The following RBKS variants were observed in gnomAD, a reference collection of about 807,000 sequenced individuals.
RBKS encodes ribokinase.
In RBKS, 33 loss-of-function variants were observed where a neutral mutation model predicts 33.9. The observed-to-expected ratio is 0.97, with a 90% CI of 0.74 to 1.30. RBKS has a LOEUF of 1.30. Ranked by LOEUF, RBKS falls within the 50% of genes most tolerant of loss-of-function variation. RBKS has a pLI of 0.00. For missense variants in RBKS, 361 were observed against 392.6 expected, an observed-to-expected ratio of 0.92 and a Z score of 0.68; for synonymous variants, 125 against 143.0, an observed-to-expected ratio of 0.87 and a Z score of 0.90.
intron 7 of RBKS, among the ~76,000 whole-genome samples, chr2:27,783,280 AAAAAC>A (rs1256003501): frequency 8.5e-5 from 13 of 152,128 alleles, no homozygotes; most frequent in African/African-American, 3.1e-4. Flanking sequence ...TCGCCTCTAC[AAAAAC>A]AAAACAAACA....
At chr2:27,865,233 T>C (rs965343601) in intron 1 of RBKS, among the ~76,000 whole-genome samples, 1 of 152,154 alleles carries the variant, frequency 6.6e-6, no homozygotes, top group African/African-American at 2.4e-5. Flanking sequence ...GGCAGGAGAA[T>C]GGCGTGAACC....
intron 7 of RBKS, among the ~76,000 whole-genome samples, chr2:27,806,039 G>A (rs1677890483): frequency 6.6e-6 from 1 of 151,916 alleles, no homozygotes; most frequent in Non-Finnish European, 1.5e-5. Context: ...CTACAGGTGG[G>A]TGGTTAATTT....
Position 27,890,051 on chromosome 2 carries a change from G to A in RBKS, c.89+206C>T, listed in dbSNP as rs1370570735. ...CTTTCACTAAACCCTGGCCTATTAC[G>A]TCCCCTCCCCTGAGATTTACCTTTA... On this transcript the variant is annotated intron_variant, in intron 1 of 7. Coordinates refer to ENST00000302188, the MANE Select transcript of RBKS (RefSeq NM_022128.3). This position sits in a 1 kb window ranked among gnomAD's most constrained non-coding sequence, Gnocchi z 4.8. The A allele has an allele frequency of 1.1e-5, 6 of 534,968 alleles. No homozygotes were observed. The highest frequency in any genetic ancestry group is 3.9e-5 in the African/African-American group (2 of 51,930). The allele number at this position is 534,968 out of a possible 1,614,324, so 33.1% of individuals were successfully genotyped here.
chr2:27,881,557 T>A (rs911088212), intron 1 of RBKS, among the ~76,000 whole-genome samples: 2 of 150,252 alleles, frequency 1.3e-5, no homozygotes, highest in Non-Finnish European at 3.0e-5. Flanking sequence ...AATAAATAAA[T>A]AAAATAAAAT....
At chr2:27,839,749 G>C (rs1438541489) in intron 5 of RBKS, among the ~76,000 whole-genome samples, 13 of 152,144 alleles carry the variant, frequency 8.5e-5, no homozygotes, top group Non-Finnish European at 1.5e-5. Context: ...ATGCTGTTCA[G>C]CACATAGGCA....
intron 5 of RBKS, among the ~76,000 whole-genome samples, chr2:27,840,718 G>T (rs1309919302): frequency 6.6e-6 from 1 of 152,122 alleles, no homozygotes; most frequent in Non-Finnish European, 1.5e-5. Flanking sequence ...TCAATGGGTT[G>T]TGGCACTTTA....
chr2:27,788,210 C>T (rs1677439005), intron 7 of RBKS, among the ~76,000 whole-genome samples: 1 of 152,142 alleles, frequency 6.6e-6, no homozygotes, highest in African/African-American at 2.4e-5. Flanking sequence ...TTCTACTCAA[C>T]ATTGTACTGG....
At chr2:27,836,867 C>T (rs1009017095) in intron 5 of RBKS, among the ~76,000 whole-genome samples, 5 of 152,156 alleles carry the variant, frequency 3.3e-5, no homozygotes, top group African/African-American at 9.7e-5. Context: ...AGAAGATACA[C>T]GAGTGGGCCA....
At chr2:27,880,341 C>A (rs759370214) in intron 1 of RBKS, among the ~76,000 whole-genome samples, 1 of 152,178 alleles carries the variant, frequency 6.6e-6, no homozygotes, top group Non-Finnish European at 1.5e-5. Flanking sequence ...AAGCTGGAAG[C>A]ATTTCCTTTG....
intron 5 of RBKS, among the ~76,000 whole-genome samples, chr2:27,836,394 G>A (rs1678519808): frequency 6.6e-6 from 1 of 152,126 alleles, no homozygotes; most frequent in Non-Finnish European, 1.5e-5. Flanking sequence ...AAGCAATGGG[G>A]AAAAGACTCC....
chr2:27,820,531 T>C (rs1172535125), intron 7 of RBKS, among the ~76,000 whole-genome samples: 1 of 150,888 alleles, frequency 6.6e-6, no homozygotes, highest in Non-Finnish European at 1.5e-5. Context: ...GGATAGACTC[T>C]TAGAAGGAGA....
intron 7 of RBKS, among the ~76,000 whole-genome samples, chr2:27,820,006 G>A (rs1458267090): frequency 6.6e-6 from 1 of 152,156 alleles, no homozygotes; most frequent in Admixed American, 6.5e-5. Flanking sequence ...TTTATCCTAC[G>A]TCAAGGGGCT....
intron 7 of RBKS, among the ~76,000 whole-genome samples, chr2:27,787,545 C>CCA (rs1466974418): frequency 2.0e-5 from 3 of 152,180 alleles, no homozygotes; most frequent in Admixed American, 6.5e-5. Context: ...CAGGTACGAG[C>CCA]CACTGTGCCT....
At chr2:27,801,963 A>AAAAT (rs1308232858) in intron 7 of RBKS, among the ~76,000 whole-genome samples, 597 of 47,556 alleles carry the variant, frequency 0.013, 12 homozygotes, top group Non-Finnish European at 0.02. Context: ...AAAAAAAAAA[A>AAAAT]ATATATATAT....
At chr2:27,846,191 C>T (rs1276991513) in intron 4 of RBKS, among the ~76,000 whole-genome samples, 1 of 152,228 alleles carries the variant, frequency 6.6e-6, no homozygotes, top group Non-Finnish European at 1.5e-5. Context: ...TGGTCTTGAA[C>T]TCCTGACCTC....
At chr2:27,866,277 A>G (rs959887607) in intron 1 of RBKS, among the ~76,000 whole-genome samples, 2 of 152,184 alleles carry the variant, frequency 1.3e-5, no homozygotes, top group Non-Finnish European at 1.5e-5. Context: ...GGAAGTCTGC[A>G]ATCAATCTTT....
intron 1 of RBKS, among the ~76,000 whole-genome samples, chr2:27,880,883 C>T (rs1240266242): frequency 6.6e-6 from 1 of 152,060 alleles, no homozygotes; most frequent in Non-Finnish European, 1.5e-5. Context: ...ATTAAGCTAC[C>T]ATGACATTCA....
intron 7 of RBKS, among the ~76,000 whole-genome samples, chr2:27,801,966 ATATATAT>A (rs1677800029): frequency 3.6e-5 from 2 of 54,826 alleles, no homozygotes; most frequent in African/African-American, 8.8e-5. Context: ...AAAAAAAAAT[ATATATAT>A]ATATATATAT....
intron 7 of RBKS, among the ~76,000 whole-genome samples, chr2:27,794,862 G>A (rs1677636528): frequency 6.6e-6 from 1 of 152,154 alleles, no homozygotes; most frequent in South Asian, 2.1e-4. Flanking sequence ...GACCTTGGGT[G>A]ATCCGCCTGC....
Sources: allele counts gnomAD v4.1 joint callset (sites outside exome capture counted in the v4.1 genomes callset), GRCh38; gene constraint gnomAD v4.1.1; non-coding constraint Gnocchi (gnomAD v3.1); transcripts MANE v1.5; gene names NCBI Gene and HGNC (gene_info 2026-07-23, HGNC 2026-07-21).